The following LYPD6 variants were observed in gnomAD, a reference collection of about 807,000 sequenced individuals.
LYPD6 encodes the protein LY6/PLAUR domain containing 6.
LYPD6 carries 15 observed loss-of-function variants against 22.7 expected under a neutral mutation model. The ratio of observed to expected loss-of-function variants is 0.66; its 90% CI spans 0.44 to 1.02. The LOEUF is 1.02. Ranked by LOEUF, LYPD6 falls within the 50% of genes least tolerant of loss-of-function variation. The pLI is 0.00. For synonymous variants in LYPD6, 72 were observed against 77.5 expected (o/e 0.93, Z 0.37); for missense variants, 189 against 208.4 (o/e 0.91, Z 0.57).
intron 1 of LYPD6, among the ~76,000 whole-genome samples, chr2:149,356,943 T>C (rs1219729074): frequency 6.6e-6 from 1 of 152,222 alleles, no homozygotes; most frequent in Non-Finnish European, 1.5e-5. Context: ...TTGTATGTAC[T>C]TTTAGGCTGA....
At chr2:149,394,923 A>G (rs1682395591) in intron 1 of LYPD6, among the ~76,000 whole-genome samples, 1 of 152,188 alleles carries the variant, frequency 6.6e-6, no homozygotes, top group African/African-American at 2.4e-5. Flanking sequence ...CCCAGGATCC[A>G]TTATTCACAA....
chr2:149,345,654 T>C (rs1044354100), intron 1 of LYPD6, among the ~76,000 whole-genome samples: 1 of 152,048 alleles, frequency 6.6e-6, no homozygotes, highest in Non-Finnish European at 1.5e-5. Context: ...AATTTTCTGG[T>C]ATTTGAATTC....
At chr2:149,363,886 A>G (rs1266476566) in intron 1 of LYPD6, among the ~76,000 whole-genome samples, 1 of 152,158 alleles carries the variant, frequency 6.6e-6, no homozygotes, top group East Asian at 1.9e-4. Flanking sequence ...CATTTGATAA[A>G]AATGCTCTTT....
chr2:149,424,131 G>T (rs1253195623), intron 1 of LYPD6, among the ~76,000 whole-genome samples: 1 of 151,882 alleles, frequency 6.6e-6, no homozygotes, highest in Non-Finnish European at 1.5e-5. Context: ...ATGTCAATAT[G>T]CACACAACAC....
At chr2:149,408,342 C>T (rs1412331708) in intron 1 of LYPD6, among the ~76,000 whole-genome samples, 5 of 152,162 alleles carry the variant, frequency 3.3e-5, no homozygotes, top group East Asian at 1.9e-4. Context: ...TCTTAAGATT[C>T]GTTCCTTCGT....
chr2:149,393,723 AT>A (rs1682366173), intron 1 of LYPD6, among the ~76,000 whole-genome samples: 2 of 152,220 alleles, frequency 1.3e-5, no homozygotes, highest in Admixed American at 1.3e-4. Flanking sequence ...TCTGAGGAAG[AT>A]TAAGGGATCT....
At chr2:149,480,180 T>G in the LYPD6 span, among the ~76,000 whole-genome samples, 1 of 152,120 alleles carries the variant, frequency 6.6e-6, no homozygotes, top group Non-Finnish European at 1.5e-5. Flanking sequence ...TGGCTAACTT[T>G]TGTCTTTTTA....
chr2:149,347,093 CCTT>C (rs1681271032), intron 1 of LYPD6, among the ~76,000 whole-genome samples: 1 of 151,776 alleles, frequency 6.6e-6, no homozygotes, highest in African/African-American at 2.4e-5. Context: ...CAGATGGTGG[CCTT>C]CTTACTGTAT....
intron 1 of LYPD6, among the ~76,000 whole-genome samples, chr2:149,417,828 T>C (rs1039461303): frequency 1.9e-4 from 29 of 152,206 alleles, no homozygotes; most frequent in African/African-American, 6.5e-4. Context: ...ATATCAATAT[T>C]GTTTTCATCT....
At chr2:149,455,896 A>C (rs140897999) in intron 3 of LYPD6, among the ~76,000 whole-genome samples, 1 of 152,212 alleles carries the variant, frequency 6.6e-6, no homozygotes, top group Admixed American at 6.5e-5. Flanking sequence ...ATGTGGATGA[A>C]TATTTTTTAG....
intron 1 of LYPD6, among the ~76,000 whole-genome samples, chr2:149,335,374 T>A (rs1336054239): frequency 6.6e-6 from 1 of 152,190 alleles, no homozygotes; most frequent in Non-Finnish European, 1.5e-5. Context: ...TTTTAAAACA[T>A]GTTTTCATTT....
downstream of LYPD6, among the ~76,000 whole-genome samples, chr2:149,476,939 T>G: frequency 6.6e-6 from 1 of 152,132 alleles, no homozygotes; most frequent in East Asian, 1.9e-4. Context: ...CACAGTGGCG[T>G]GTGAAGACCA....
chr2:149,380,911 G>T (rs946205228), intron 1 of LYPD6, among the ~76,000 whole-genome samples: 2 of 152,182 alleles, frequency 1.3e-5, no homozygotes, highest in Non-Finnish European at 2.9e-5. Flanking sequence ...CATTAAAAGA[G>T]AAGGAAAGCC....
At chr2:149,388,180 CTTTTTTT>C (rs907698162) in intron 1 of LYPD6, among the ~76,000 whole-genome samples, 2 of 42,960 alleles carry the variant, frequency 4.7e-5, no homozygotes, top group African/African-American at 7.6e-5. Flanking sequence ...CTCTCTCTCT[CTTTTTTT>C]TTTTTTTGGT....
chr2:149,366,858 T>C (rs1053293963), intron 1 of LYPD6, among the ~76,000 whole-genome samples: 1 of 152,220 alleles, frequency 6.6e-6, no homozygotes, highest in Non-Finnish European at 1.5e-5. Flanking sequence ...TTTACAAGTT[T>C]TAACTTTGTT....
intron 3 of LYPD6, among the ~76,000 whole-genome samples, chr2:149,456,607 C>A (rs1680964422): frequency 6.6e-6 from 1 of 152,144 alleles, no homozygotes; most frequent in African/African-American, 2.4e-5. Flanking sequence ...GTCTGACAAG[C>A]ATCCTTATAA....
intron 1 of LYPD6, among the ~76,000 whole-genome samples, chr2:149,363,045 G>A (rs138825330): frequency 3.3e-5 from 5 of 152,202 alleles, no homozygotes; most frequent in African/African-American, 4.8e-5. Flanking sequence ...GAAGTATGGG[G>A]GCAGGTCAGA....
At chr2:149,380,107 C>T (rs1290926434) in intron 1 of LYPD6, among the ~76,000 whole-genome samples, 2 of 152,190 alleles carry the variant, frequency 1.3e-5, no homozygotes, top group African/African-American at 4.8e-5. Context: ...GGAAAGAGCA[C>T]ATGCAGATGC....
chr2:149,409,084 T>C lies in LYPD6; in HGVS notation c.-71-28554T>C, dbSNP rs117313191. Among the ~76,000 whole-genome samples, 13 of 152,340 alleles carry C rather than the reference T, an allele frequency of 8.5e-5. 1 individual carries two copies. In the East Asian group the frequency reaches 2.5e-3, roughly 29 times the overall value. ...TCAAGGGCTGCTGTTCAGATTCTTT[T>C]GGCCCATGGGGTGCTCCCTTGATGT... On this transcript the variant is annotated intron_variant, in intron 1 of 4. Coordinates refer to ENST00000334166, the MANE Select transcript of LYPD6 (RefSeq NM_194317.5).
Sources: allele counts gnomAD v4.1 joint callset (sites outside exome capture counted in the v4.1 genomes callset), GRCh38; gene constraint gnomAD v4.1.1; transcripts MANE v1.5; gene names NCBI Gene and HGNC (gene_info 2026-07-23, HGNC 2026-07-21).